The following MICAL3 variants were observed in gnomAD, a reference collection of about 807,000 sequenced individuals.
The protein encoded by MICAL3 is [F-actin]-monooxygenase MICAL3.
A neutral mutation model predicts 207.4 loss-of-function variants in MICAL3; 62 were observed. The observed-to-expected ratio is 0.30, with a 90% CI of 0.24 to 0.37. The LOEUF is 0.37. Among genes scored for constraint, MICAL3 ranks in the 10% least tolerant of loss-of-function variants. The pLI is 1.00. For synonymous variants in MICAL3, 1,077 were observed against 1,069.3 expected (o/e 1.01, Z -0.14); for missense variants, 2,368 against 2,635.6 (o/e 0.90, Z 2.22).
intron 16 of MICAL3, among the ~76,000 whole-genome samples, chr22:17,876,221 C>G (rs947789071): frequency 6.6e-6 from 1 of 152,156 alleles, no homozygotes; most frequent in Non-Finnish European, 1.5e-5. Context: ...AGCCGTGGGC[C>G]CATGCAGCTA....
intron 23 of MICAL3, 32 bp from the exon 24 acceptor site, chr22:17,822,202 C>T (rs1181687993): frequency 1.2e-6 from 2 of 1,606,404 alleles, no homozygotes; most frequent in African/African-American, 1.3e-5. Context: ...AGTGGGTGCA[C>T]ACCCTAAGTG....
Position 17,836,101 on chromosome 22 carries a change from G to C in MICAL3, c.2802-3994C>G, listed in dbSNP as rs148397801. Reference sequence around the variant, plus strand: ...AGCACCTGCTCTGAATTTCCCCCCAGCTGTCTTCTCACTGAGACACTGGCA... The same window carrying C: ...AGCACCTGCTCTGAATTTCCCCCCACCTGTCTTCTCACTGAGACACTGGCA... On this transcript the variant is annotated intron_variant, in intron 20 of 31. Transcript: ENST00000441493. Among the ~76,000 whole-genome samples the C allele has an allele frequency of 9.2e-5, 14 of 152,342 alleles. No individual in the cohort carries two copies. In the East Asian group the frequency reaches 2.7e-3, roughly 29 times the overall value.
At chr22:17,924,505 A>C (rs1404579284) in intron 1 of MICAL3, among the ~76,000 whole-genome samples, 1 of 152,188 alleles carries the variant, frequency 6.6e-6, no homozygotes, top group African/African-American at 2.4e-5. Flanking sequence ...CAAAATCTCA[A>C]TGTTTTTGAG....
chr22:17,976,591 T>TATATATATA (rs1935665198), intron 1 of MICAL3, among the ~76,000 whole-genome samples: 1 of 102,230 alleles, frequency 9.8e-6, no homozygotes, highest in African/African-American at 4.4e-5. Flanking sequence ...ATATATATAT[T>TATATATATA]TTTTTTTTTT....
chr22:17,997,831 AT>A (rs1003187310), intron 1 of MICAL3, among the ~76,000 whole-genome samples: 20 of 152,178 alleles, frequency 1.3e-4, no homozygotes, highest in Non-Finnish European at 2.6e-4. Context: ...CCTAGCACAG[AT>A]TCCTGCAGAT....
At chr22:17,875,690 A>T in intron 16 of MICAL3, 1 of 464,928 alleles carries the variant, frequency 2.2e-6, no homozygotes, top group East Asian at 4.7e-5. Context: ...AGTAAAAAAA[A>T]AAAAAAAAAA....
rs1015611455 is a variant in MICAL3 at position 17,865,076 on chromosome 22, G to A, written c.2518-90C>T. The A allele has an allele frequency of 1.6e-5, 16 of 1,020,970 alleles. No homozygotes were observed. In the African/African-American group the frequency reaches 2.7e-4, roughly 17 times the overall value. The allele number at this position is 1,020,970 out of a possible 1,614,324, so 63.2% of individuals were successfully genotyped here. ...AGAGGCACTGACAATCTGACACGCT[G>A]GTTTTAAATTTTATTTATTTATTTA... On this transcript the variant is annotated intron_variant, in intron 18 of 31. Transcript: ENST00000441493.
At chr22:17,885,800 T>A (rs944611186) in intron 16 of MICAL3, 78 bp downstream of exon 16, 1 of 1,469,494 alleles carries the variant, frequency 6.8e-7, no homozygotes. Context: ...ACACAGCCCA[T>A]CTCAATGGAT....
intron 29 of MICAL3, among the ~76,000 whole-genome samples, chr22:17,798,262 G>A (rs1037026790): frequency 6.6e-6 from 1 of 152,192 alleles, no homozygotes; most frequent in Non-Finnish European, 1.5e-5. Context: ...CTTTCAAGAG[G>A]TGGAGGCTGG....
Position 17,915,929 on chromosome 22 carries a change from A to G in MICAL3, c.-74-9043T>C, listed in dbSNP as rs113100303. Among the ~76,000 whole-genome samples, 314 of 151,886 alleles carry G rather than the reference A, an allele frequency of 2.1e-3. 2 individuals are homozygous for G. Among genetic ancestry groups the G allele is most frequent in the African/African-American group, 7.2e-3 (297 of 41,388 alleles). On this transcript the variant is annotated intron_variant, in intron 1 of 31. Coordinates refer to ENST00000441493, the MANE Select transcript of MICAL3 (RefSeq NM_015241.3). ...ATATAGCAAGACCCTCATCTCTACA[A>G]AAAATTAAAAAATTAGCCAGGCATA... is the stretch of plus-strand genomic sequence containing the variant.
intron 1 of MICAL3, among the ~76,000 whole-genome samples, chr22:17,999,727 C>A (rs926480311): frequency 3.3e-5 from 5 of 152,186 alleles, no homozygotes; most frequent in Non-Finnish European, 7.3e-5. Context: ...GCTGTAAACA[C>A]AAATAAACAG....
chr22:17,920,667 G>A (rs1439266807), intron 1 of MICAL3, among the ~76,000 whole-genome samples: 1 of 152,054 alleles, frequency 6.6e-6, no homozygotes, highest in Non-Finnish European at 1.5e-5. Flanking sequence ...TTCCTCCAGA[G>A]ATCCAAAGCT....
intron 9 of MICAL3, 143 bp from the exon 10 acceptor site, chr22:17,895,553 C>G (rs1602168130): frequency 3.2e-6 from 3 of 937,792 alleles, no homozygotes; most frequent in Non-Finnish European, 4.8e-6. Flanking sequence ...TTGAGTCCTA[C>G]GTCAGCCCCT....
At chr22:17,983,815 G>A (rs1936037227) in intron 1 of MICAL3, among the ~76,000 whole-genome samples, 1 of 152,064 alleles carries the variant, frequency 6.6e-6, no homozygotes, top group Non-Finnish European at 1.5e-5. Flanking sequence ...CTATGCTAAA[G>A]GTGCCCTATC....
intron 16 of MICAL3, among the ~76,000 whole-genome samples, chr22:17,872,400 G>A (rs1358215226): frequency 2.0e-5 from 3 of 151,986 alleles, no homozygotes; most frequent in African/African-American, 4.8e-5. Flanking sequence ...GGAGAGGGGC[G>A]AGAAGGGATG....
intron 22 of MICAL3, among the ~76,000 whole-genome samples, chr22:17,827,073 C>T (rs1922280494): frequency 1.3e-5 from 2 of 152,188 alleles, no homozygotes; most frequent in South Asian, 2.1e-4. Context: ...CCTCAGCAGT[C>T]TCCACGGTCC....
At chr22:17,860,561 G>T (rs1423215531) in intron 19 of MICAL3, 1 of 985,412 alleles carries the variant, frequency 1.0e-6, no homozygotes, top group South Asian at 4.7e-5. Flanking sequence ...GACAGCCTAG[G>T]AATGTTCCAG....
chr22:18,005,653 T>C (rs1017528164), intron 1 of MICAL3: 3 of 152,172 alleles, frequency 2.0e-5, no homozygotes, highest in African/African-American at 7.2e-5. Context: ...ATTCTGCCCA[T>C]GAGAGTGTGT....
chr22:18,006,245 A>G (rs1923376378), intron 1 of MICAL3: 1 of 152,264 alleles, frequency 6.6e-6, no homozygotes. Context: ...GTGATTAAAT[A>G]TCAGACCCCC....
Sources: allele counts gnomAD v4.1 joint callset (sites outside exome capture counted in the v4.1 genomes callset), GRCh38; gene constraint gnomAD v4.1.1; transcripts MANE v1.5; gene names NCBI Gene and HGNC (gene_info 2026-07-23, HGNC 2026-07-21).